ZNF782: variants seen among roughly 807,000 people sequenced by gnomAD.
The protein encoded by ZNF782 is zinc finger protein 782.
In ZNF782, 12 loss-of-function variants were observed where a neutral mutation model predicts 13.0. That is an observed-to-expected ratio of 0.92 (90% CI 0.59 to 1.50). The LOEUF (loss-of-function observed/expected upper bound fraction) is 1.50. Ranked by LOEUF, ZNF782 falls within the 40% of genes most tolerant of loss-of-function variation. The pLI, the probability that ZNF782 is intolerant of heterozygous loss-of-function variation, is 0.00. For synonymous variants in ZNF782, 284 were observed against 283.0 expected, an observed-to-expected ratio of 1.00 and a Z score of -0.04; for missense variants, 770 against 822.9, an observed-to-expected ratio of 0.94 and a Z score of 0.79.
At chr9:96,876,473 AAG>A (rs1480468917), upstream of ZNF782, among the ~76,000 whole-genome samples, 1 of 152,212 alleles carries the variant, frequency 6.6e-6, no homozygotes, top group Non-Finnish European at 1.5e-5. Flanking sequence ...GGAAGAAAGA[AAG>A]AAAAACAAGG....
chr9:96,875,856 T>C (rs1461941742), upstream of ZNF782, among the ~76,000 whole-genome samples: 1 of 152,212 alleles, frequency 6.6e-6, no homozygotes, highest in African/African-American at 2.4e-5. Context: ...CCTCTCAGCC[T>C]TAGCTAGGCG....
the ZNF782 span, chr9:96,887,493 A>C: frequency 7.1e-4 from 108 of 152,360 alleles, no homozygotes; most frequent in Middle Eastern, 6.8e-3. Flanking sequence ...AAAAAACAAA[A>C]AACCAAACAT....
intron 5 of ZNF782, among the ~76,000 whole-genome samples, chr9:96,826,694 C>T (rs1338941051): frequency 2.0e-5 from 3 of 152,170 alleles, no homozygotes. Context: ...CCGAGGGGCT[C>T]ACCGTGCCAG....
intron 5 of ZNF782, among the ~76,000 whole-genome samples, chr9:96,821,638 C>A (rs186539025): frequency 4.0e-5 from 6 of 150,832 alleles, no homozygotes. Context: ...GGCATTTTCT[C>A]TTTCTTAGTT....
chr9:96,817,932 TG>T lies in ZNF782; in HGVS notation c.2090del (p.Pro697GlnfsTer15). 6.4e-7 allele frequency: 1 copy of T among 1,562,682 alleles called. No homozygotes were observed. On this transcript the variant is annotated frameshift_variant, in exon 6 of 6. Coordinates refer to ENST00000481138, the MANE Select transcript of ZNF782 (RefSeq NM_001001662.3). LOFTEE classifies it high-confidence loss of function. ...CTTTATATGCATACATTTAATCCCC[TG>T]GGTGGGCTTTCTGATGTTCTCTAAG... ...SSLREHQKAH[P>X]GD
At chr9:96,875,686 G>T (rs755583531), upstream of ZNF782, 3 of 442,396 alleles carry the variant, frequency 6.8e-6, no homozygotes, top group African/African-American at 2.0e-5. Context: ...AGCGTGAGGG[G>T]GTCGATCCTG....
chr9:96,877,749 C>T (rs1184063645), upstream of ZNF782, among the ~76,000 whole-genome samples: 2 of 152,208 alleles, frequency 1.3e-5, no homozygotes, highest in Admixed American at 1.3e-4. Context: ...GTGGATGTGC[C>T]TCTTCATCAG....
chr9:96,829,696 T>C (rs1393009865), intron 4 of ZNF782, among the ~76,000 whole-genome samples: 3 of 151,934 alleles, frequency 2.0e-5, no homozygotes, highest in Non-Finnish European at 4.4e-5. Flanking sequence ...CCAGGATAAA[T>C]CATAAGATGG....
chr9:96,845,111 T>C (rs1220624083), intron 3 of ZNF782, 95 bp from the exon 4 acceptor site: 6 of 1,493,966 alleles, frequency 4.0e-6, no homozygotes, highest in Non-Finnish European at 5.5e-6. Flanking sequence ...TGTTGAGAAT[T>C]TAAAACAAAA....
At chr9:96,843,788 A>C (rs922744502) in intron 4 of ZNF782, among the ~76,000 whole-genome samples, 1 of 152,198 alleles carries the variant, frequency 6.6e-6, no homozygotes, top group African/African-American at 2.4e-5. Context: ...CAATATAAAA[A>C]AGGTTTCTTA....
chr9:96,886,709 G>C, the ZNF782 span, among the ~76,000 whole-genome samples: 2 of 152,006 alleles, frequency 1.3e-5, no homozygotes. Context: ...GATCGCCTGA[G>C]GTCAGGAGTT....
In ZNF782 at chr9:96,818,825, C is replaced by T. The variant is rs150468322; in HGVS notation, c.1198G>A (p.Gly400Arg). The T allele has an allele frequency of 1.7e-4, 268 of 1,614,080 alleles. 1 individual carries two copies. In the African/African-American group the frequency reaches 2.0e-3, roughly 12 times the overall value. The change falls in exon 6 of 6, where the codon GGG (glycine) becomes AGG (arginine). Residue 400 changes from glycine to arginine, a missense_variant. By Grantham distance (125) the Gly-to-Arg change is moderately radical (BLOSUM62 -2). Transcript: ENST00000481138. ...CGTGACTTCTCACTGAAGGCTTTCC[C>T]GCACTCAGGACATTCATAGGGTTTC... ...GEKPYECPEC[G>R]KAFSEKSRLR...
At chr9:96,911,117 T>C in the ZNF782 span, among the ~76,000 whole-genome samples, 2 of 147,576 alleles carry the variant, frequency 1.4e-5, no homozygotes, top group East Asian at 4.1e-4. Context: ...ATGTTCATTA[T>C]AATCTCAAAG....
the ZNF782 span, among the ~76,000 whole-genome samples, chr9:96,899,813 T>C: frequency 6.6e-6 from 1 of 152,068 alleles, no homozygotes; most frequent in Non-Finnish European, 1.5e-5. Flanking sequence ...GTTGTTTGTT[T>C]GTTTGAGACA....
intron 5 of ZNF782, among the ~76,000 whole-genome samples, chr9:96,823,489 C>T (rs1269963325): frequency 6.6e-6 from 1 of 151,382 alleles, no homozygotes; most frequent in Non-Finnish European, 1.5e-5. Context: ...TTTAAAATAT[C>T]CTTTTAAAAC....
Position 96,854,352 on chromosome 9 carries a change from A to T in ZNF782, c.-526T>A, listed in dbSNP as rs996669522. The T allele has an allele frequency of 1.3e-5, 2 of 152,218 alleles. No individual in the cohort carries two copies. Among genetic ancestry groups the T allele is most frequent in the African/African-American group, 2.4e-5 (1 of 41,416 alleles). 9.4% of individuals were successfully genotyped at this position (152,218 alleles called of 1,614,324 possible). A position where few individuals can be genotyped will look rare whatever the true frequency, so the allele number is the denominator to read the frequency against. ...CCCGCCCGGTCGCATCCACTGACAC[A>T]GGGGGCGGGGATCCCACAAACTTCC... On this transcript the variant is annotated 5_prime_UTR_variant, in exon 1 of 6. Transcript: ENST00000481138.
At chr9:96,830,023 T>C (rs1322458778) in intron 4 of ZNF782, among the ~76,000 whole-genome samples, 1 of 152,166 alleles carries the variant, frequency 6.6e-6, no homozygotes, top group African/African-American at 2.4e-5. Flanking sequence ...TGGCCTCATA[T>C]ATTCCAAATT....
intron 5 of ZNF782, among the ~76,000 whole-genome samples, chr9:96,821,448 C>T (rs1248918410): frequency 6.6e-6 from 1 of 152,138 alleles, no homozygotes; most frequent in East Asian, 1.9e-4. Context: ...CTTGTGTCTT[C>T]CCACAAATAT....
the ZNF782 span, among the ~76,000 whole-genome samples, chr9:96,917,993 C>A: frequency 3.3e-5 from 5 of 150,938 alleles, no homozygotes; most frequent in Non-Finnish European, 7.4e-5. Flanking sequence ...CCTTGCGCCT[C>A]GGTCTCCTGA....
Sources: gnomAD v4.1 joint callset for allele counts (sites outside exome capture counted in the v4.1 genomes callset) on GRCh38, gnomAD v4.1.1 for gene constraint, MANE v1.5 for transcripts, NCBI Gene and HGNC (gene_info 2026-07-23, HGNC 2026-07-21) for gene names.